Variants in MTUS1 observed in about 807,000 individuals in gnomAD.
The protein encoded by MTUS1 is microtubule associated scaffold protein 1, also known as microtubule-associated tumor suppressor 1.
MTUS1 carries 109 observed loss-of-function variants against 120.8 expected under a neutral mutation model. The ratio of observed to expected loss-of-function variants is 0.90; its 90% CI spans 0.77 to 1.06. The LOEUF (loss-of-function observed/expected upper bound fraction) is 1.06, where lower values mean the gene tolerates loss of function less well. MTUS1 is among the 50% of genes least tolerant of loss of function. The probability of loss-of-function intolerance (pLI) is 0.00; values close to 1 mark genes in which losing one functional copy is unlikely to be tolerated. For missense variants in MTUS1, 2,210 were observed against 1,486.3 expected, an observed-to-expected ratio of 1.49 and a Z score of -8.01; for synonymous variants, 737 against 550.5, an observed-to-expected ratio of 1.34 and a Z score of -4.74.
In MTUS1 at chr8:17,755,854, T is replaced by C. The variant is rs1563335665; in HGVS notation, c.-47A>G. 6.4e-7 allele frequency: 1 copy of C among 1,557,362 alleles called. No homozygotes were observed. Among genetic ancestry groups the C allele is most frequent in the Non-Finnish European group, 8.6e-7 (1 of 1,156,124 alleles). On this transcript the variant is annotated 5_prime_UTR_variant, in exon 2 of 15. Transcript: ENST00000693296. ...TCTGCCATTTTATTTCTTCTTCAAT[T>C]CCTTTTAAATGAGAGGGTGGGCAAA...
intron 5 of MTUS1, among the ~76,000 whole-genome samples, chr8:17,714,842 A>C (rs773029622): frequency 6.6e-6 from 1 of 150,442 alleles, no homozygotes; most frequent in Non-Finnish European, 1.5e-5. Flanking sequence ...TCTCACTCAC[A>C]ATTATTCGCT....
In MTUS1 at chr8:17,754,028, A is replaced by C; in HGVS notation, c.1780T>G (p.Ser594Ala). The C allele has an allele frequency of 6.2e-7, 1 of 1,614,084 alleles. No individual in the cohort carries two copies. Among genetic ancestry groups the C allele is most frequent in the Non-Finnish European group, 8.5e-7 (1 of 1,180,010 alleles). The change falls in exon 2 of 15, where the codon TCT becomes GCT. Residue 594 changes from serine (S) to alanine (A), a missense_variant. By Grantham distance (99) the Ser-to-Ala change is moderately conservative (BLOSUM62 1). Transcript: ENST00000693296. ...GGAACCCTGTGTGAAGCATTTTTAG[A>C]ATGAGTTGTAACATGCACAGCCTGG... ...TSQAVHVTTH[S>A]KNASHRVPRT... is the part of the protein sequence containing the mutation.
rs539240172 is a variant in MTUS1, at chr8:17,786,600, A to G, written c.-155+14461T>C. ...GAGGTTGCCACATTATATGTTCTCTACAAGTGAGGTGAAATGAGGATGTGT... is the reference window on the plus strand; with the variant it reads ...GAGGTTGCCACATTATATGTTCTCTGCAAGTGAGGTGAAATGAGGATGTGT... On this transcript the variant is annotated intron_variant, in intron 1 of 14. Coordinates refer to ENST00000693296, the MANE Select transcript of MTUS1 (RefSeq NM_001363059.2). 7.2e-5 allele frequency among the ~76,000 whole-genome samples: 11 copies of G among 152,278 alleles called. No individual in the cohort carries two copies. The South Asian group carries it at 1.2e-3, about 17-fold the overall frequency.
intron 1 of MTUS1, among the ~76,000 whole-genome samples, chr8:17,766,581 G>A (rs1048003635): frequency 6.6e-6 from 1 of 152,198 alleles, no homozygotes; most frequent in African/African-American, 2.4e-5. Context: ...TGCGAACTCT[G>A]AACTTACCTA....
intron 8 of MTUS1, among the ~76,000 whole-genome samples, chr8:17,670,121 T>C (rs1449788607): frequency 1.3e-5 from 2 of 151,704 alleles, no homozygotes; most frequent in East Asian, 3.9e-4. Flanking sequence ...TTAGCTTGGG[T>C]GGTAAGTGAA....
intron 3 of MTUS1, among the ~76,000 whole-genome samples, chr8:17,740,749 G>A (rs1227015633): frequency 2.6e-5 from 4 of 152,288 alleles, no homozygotes; most frequent in East Asian, 3.9e-4. Flanking sequence ...TCTGAAGGCT[G>A]GAATGTCCAA....
At chr8:17,766,972 G>A (rs1296545537) in intron 1 of MTUS1, among the ~76,000 whole-genome samples, 1 of 151,924 alleles carries the variant, frequency 6.6e-6, no homozygotes, top group Non-Finnish European at 1.5e-5. Flanking sequence ...ACAATCATAT[G>A]ATCAGTATAT....
chr8:17,676,459 G>A, intron 7 of MTUS1: 2 of 635,098 alleles, frequency 3.1e-6, no homozygotes, highest in African/African-American at 1.8e-5. Flanking sequence ...TTGGCCCTCG[G>A]GCGTCTTACT....
At chr8:17,702,249 C>G (rs908413838) in intron 6 of MTUS1, among the ~76,000 whole-genome samples, 1 of 152,162 alleles carries the variant, frequency 6.6e-6, no homozygotes, top group Non-Finnish European at 1.5e-5. Context: ...GTACCAGGTG[C>G]TAACATTAAG....
rs982871910 is a variant in MTUS1 at position 17,645,670 on chromosome 8, T to C, written c.*256A>G. 22 of 383,138 alleles carry C rather than the reference T, an allele frequency of 5.7e-5. No homozygotes were observed. The highest frequency in any genetic ancestry group is 6.0e-5 in the Non-Finnish European group (13 of 218,300). 23.7% of individuals were successfully genotyped at this position (383,138 alleles called of 1,614,324 possible). A position where few individuals can be genotyped will look rare whatever the true frequency, so the allele number is the denominator to read the frequency against. ...AGATGCTCTCGTTCTTTAAGTGCTT[T>C]GTGCAACAACGTCCGTGTCGATGCC... On this transcript the variant is annotated 3_prime_UTR_variant, in exon 15 of 15. Coordinates refer to ENST00000693296, the MANE Select transcript of MTUS1 (RefSeq NM_001363059.2).
intron 6 of MTUS1, among the ~76,000 whole-genome samples, chr8:17,689,109 G>C (rs1816435096): frequency 6.6e-6 from 1 of 152,122 alleles, no homozygotes; most frequent in Non-Finnish European, 1.5e-5. Context: ...TACTCGGGAG[G>C]CTGAGGCAGG....
At chr8:17,661,919 G>A (rs1809807130) in intron 8 of MTUS1, among the ~76,000 whole-genome samples, 1 of 152,220 alleles carries the variant, frequency 6.6e-6, no homozygotes, top group Non-Finnish European at 1.5e-5. Flanking sequence ...TCGTTTGAAG[G>A]AAGTGGCCTG....
At chr8:17,729,114 G>A (rs2131158440) in intron 3 of MTUS1, among the ~76,000 whole-genome samples, 2 of 152,270 alleles carry the variant, frequency 1.3e-5, no homozygotes, top group Middle Eastern at 6.8e-3. Flanking sequence ...TATGTCTGTA[G>A]CTATAATTAT....
chr8:17,753,843 A>G lies in MTUS1; in HGVS notation c.1965T>C (p.Tyr655=), dbSNP rs2048373554. 1 of 1,613,962 alleles carries G rather than the reference A, an allele frequency of 6.2e-7. No homozygotes were observed. The highest frequency in any genetic ancestry group is 1.7e-5 in the Admixed American group (1 of 59,998). The change falls in exon 2 of 15, where the codon TAT becomes TAC. Residue 655 remains tyrosine (Y), a synonymous_variant. Transcript: ENST00000693296. Reference sequence around the variant, plus strand: ...GGCTAATCCTATCAATGTTGGGAACATAGGTCATTTCCAAACATTCTGCAC... The same window carrying G: ...GGCTAATCCTATCAATGTTGGGAACGTAGGTCATTTCCAAACATTCTGCAC... ...MESAECLEMT[Y]VPNIDRISPE...
intron 1 of MTUS1, among the ~76,000 whole-genome samples, chr8:17,785,709 T>G (rs1043302008): frequency 2.6e-5 from 4 of 152,136 alleles, no homozygotes; most frequent in Admixed American, 2.0e-4. Context: ...TACCCCAGGG[T>G]CACAGATGCA....
At chr8:17,658,599 C>T (rs1009616285) in intron 8 of MTUS1, among the ~76,000 whole-genome samples, 15 of 152,128 alleles carry the variant, frequency 9.9e-5, no homozygotes, top group African/African-American at 2.9e-4. Flanking sequence ...TGGATTAATA[C>T]GACAGGGTTG....
intron 3 of MTUS1, chr8:17,724,272 T>C (rs1349425929): frequency 8.1e-6 from 2 of 246,022 alleles, no homozygotes; most frequent in Non-Finnish European, 1.6e-5. Context: ...AAGAACCAAG[T>C]CCAAATACAT....
At chr8:17,776,185 T>C (rs1248141107) in intron 1 of MTUS1, among the ~76,000 whole-genome samples, 1 of 152,164 alleles carries the variant, frequency 6.6e-6, no homozygotes, top group Non-Finnish European at 1.5e-5. Context: ...ACATAACTAG[T>C]ATAAATGTAT....
rs1812806679 is a variant in MTUS1, at chr8:17,675,079, A to T, written c.2905+107T>A. 2.6e-6 allele frequency: 4 copies of T among 1,567,230 alleles called. No individual in the cohort carries two copies. The East Asian group carries it at 9.2e-5, about 36-fold the overall frequency. On this transcript the variant is annotated intron_variant, in intron 8 of 14. Transcript: ENST00000693296. ...GCCCAGATACTAGACAGGGAGTGCC[A>T]ACAGCTCCCAGCATGCAACTCCAGC...
Sources: allele counts gnomAD v4.1 joint callset (sites outside exome capture counted in the v4.1 genomes callset), GRCh38; gene constraint gnomAD v4.1.1; transcripts MANE v1.5; gene names NCBI Gene and HGNC (gene_info 2026-07-23, HGNC 2026-07-21).